Variants in NUP133 observed in about 807,000 individuals in gnomAD.
NUP133 encodes nucleoporin 133.
NUP133 carries 66 observed loss-of-function variants against 146.2 expected under a neutral mutation model. The ratio of observed to expected loss-of-function variants is 0.45; its 90% CI spans 0.37 to 0.55. The LOEUF (loss-of-function observed/expected upper bound fraction) is 0.55, where lower values mean the gene tolerates loss of function less well. NUP133 is among the 20% of genes least tolerant of loss of function. The probability of loss-of-function intolerance (pLI) is 0.00; values close to 1 mark genes in which losing one functional copy is unlikely to be tolerated. For missense variants in NUP133, 1,277 were observed against 1,374.8 expected (o/e 0.93, Z 1.12); for synonymous variants, 521 against 498.8 (o/e 1.04, Z -0.59).
chr1:229,449,444 G>A (rs1473184053), intron 23 of NUP133, among the ~76,000 whole-genome samples: 1 of 149,444 alleles, frequency 6.7e-6, no homozygotes, highest in African/African-American at 2.5e-5. Flanking sequence ...CTCAGCTCAT[G>A]GCAACCTCTG....
chr1:229,474,901 G>A (rs1477056814), intron 14 of NUP133, among the ~76,000 whole-genome samples: 16 of 151,992 alleles, frequency 1.1e-4, no homozygotes, highest in Admixed American at 3.9e-4. Flanking sequence ...CCAGGAGTTC[G>A]AGACCAGCCT....
chr1:229,449,249 C>G (rs1195059872), intron 23 of NUP133, 59 bp from the exon 24 acceptor site: 2 of 1,088,638 alleles, frequency 1.8e-6, no homozygotes, highest in Non-Finnish European at 2.7e-6. Context: ...AAATACATGC[C>G]TAAATTTTCA....
At chr1:229,456,371 G>A (rs577214535) in intron 21 of NUP133, among the ~76,000 whole-genome samples, 1 of 152,284 alleles carries the variant, frequency 6.6e-6, no homozygotes, top group African/African-American at 2.4e-5. Flanking sequence ...GCATTCTCCT[G>A]TAAAGAAGCA....
chr1:229,464,135 G>A (rs995137331), intron 18 of NUP133, among the ~76,000 whole-genome samples: 10 of 151,886 alleles, frequency 6.6e-5, no homozygotes, highest in South Asian at 2.1e-4. Flanking sequence ...AGAGAGTGAC[G>A]CTCTGTCTCA....
chr1:229,452,081 AG>A (rs1283287835), intron 22 of NUP133, among the ~76,000 whole-genome samples: 1 of 152,218 alleles, frequency 6.6e-6, no homozygotes, highest in Non-Finnish European at 1.5e-5. Context: ...TCTAGACTGC[AG>A]TCCGTATTCT....
chr1:229,488,475 C>T (rs186141048), intron 9 of NUP133, among the ~76,000 whole-genome samples: 6 of 152,100 alleles, frequency 3.9e-5, no homozygotes, highest in South Asian at 2.1e-4. Context: ...ATATTAAATG[C>T]GAGGTCCTAG....
chr1:229,502,277 A>G (rs1661820390), intron 2 of NUP133, among the ~76,000 whole-genome samples, 175 bp from the exon 3 acceptor site: 1 of 152,160 alleles, frequency 6.6e-6, no homozygotes, highest in Non-Finnish European at 1.5e-5. Flanking sequence ...TCTGATAACC[A>G]ACTTTAGAAA....
chr1:229,482,688 C>A (rs1267741441), intron 12 of NUP133, among the ~76,000 whole-genome samples: 1 of 152,106 alleles, frequency 6.6e-6, no homozygotes, highest in Admixed American at 6.6e-5. Flanking sequence ...TCACTCCCCA[C>A]CCCATACGCG....
At chr1:229,470,888 C>G (rs1660940812) in intron 14 of NUP133, 84 bp from the exon 15 acceptor site, 2 of 1,223,026 alleles carry the variant, frequency 1.6e-6, no homozygotes, top group South Asian at 2.7e-5. Flanking sequence ...CCAGAAGCAC[C>G]CTGGGCAGTC....
chr1:229,500,120 A>G (rs6670553), intron 4 of NUP133, among the ~76,000 whole-genome samples: 28,578 of 152,156 alleles, frequency 0.19, 2,897 homozygotes, highest in Middle Eastern at 0.27. Flanking sequence ...TTCTGGATAC[A>G]AGTCCTTTGC....
rs137900776 is a variant in NUP133 at position 229,452,501 on chromosome 1, G to A, written c.3099+24C>T. On this transcript the variant is annotated intron_variant, in intron 22 of 25. Coordinates refer to ENST00000261396, the MANE Select transcript of NUP133 (RefSeq NM_018230.3). ...AAAGGTTTTGAGTTTAAGAAATAGC[G>A]TTAAGGATTTGAAAAGCACATACAC... 203 of 1,565,932 alleles carry A rather than the reference G, an allele frequency of 1.3e-4. 2 individuals are homozygous for A. Among genetic ancestry groups the A allele is most frequent in the Admixed American group, 4.6e-4 (27 of 59,016 alleles).
Position 229,464,731 on chromosome 1 carries a change from C to T in NUP133, c.2444G>A (p.Gly815Asp). ...CACAGACTTAAGCTGAGAAACATAA[C>T]CATCCAGGAAGCAATCGATCAGGGC... is the stretch of plus-strand genomic sequence containing the variant. ...LVALIDCFLDGYVSQLKSVDK... is the reference protein window; with the variant it reads ...LVALIDCFLDDYVSQLKSVDK... Residue 815 changes from glycine to aspartate, a missense_variant, in exon 18 of 26, where the codon GGT (glycine) becomes GAT (aspartate). Transcript: ENST00000261396. 1 of 1,614,202 alleles carries T rather than the reference C, an allele frequency of 6.2e-7. No homozygotes were observed. The highest frequency in any genetic ancestry group is 1.3e-5 in the African/African-American group (1 of 75,050).
chr1:229,476,168 A>G (rs938482619), intron 13 of NUP133, among the ~76,000 whole-genome samples: 1 of 152,092 alleles, frequency 6.6e-6, no homozygotes, highest in African/African-American at 2.4e-5. Flanking sequence ...ACCTTACAAT[A>G]CAGTTGTTTA....
rs1303062222 is a variant in NUP133, at chr1:229,449,878, T to TA, written c.3180+646_3180+647insT. ...ATATATATATATATATATATATTTT[T>TA]TTTTTTTTTTTTTTTTTTTTTGAGA... is the stretch of plus-strand genomic sequence containing the variant. On this transcript the variant is annotated intron_variant, in intron 23 of 25. Coordinates refer to ENST00000261396, the MANE Select transcript of NUP133 (RefSeq NM_018230.3). Among the ~76,000 whole-genome samples the TA allele has an allele frequency of 2.9e-5, 3 of 104,284 alleles. No individual in the cohort carries two copies. The Admixed American group carries it at 3.1e-4, about 11-fold the overall frequency. 68.4% of individuals were successfully genotyped at this position (104,284 alleles called of 152,430 possible).
chr1:229,495,517 A>G lies in NUP133; in HGVS notation c.1024T>C (p.Tyr342His), dbSNP rs960044704. ...TACCAGTTTTGCTTCAAGTCCAAAT[A>G]TCGAATGTTGACTCCTTCTTTAATA... Reference protein sequence around the residue: ...EAIKEGVNIRYLDLKQNCDGL... With the variant: ...EAIKEGVNIRHLDLKQNCDGL... The change falls in exon 8 of 26, where the codon TAT becomes CAT. Residue 342 changes from tyrosine (Y) to histidine (H), a missense_variant. Transcript: ENST00000261396. 6.2e-6 allele frequency: 10 copies of G among 1,612,426 alleles called. No individual in the cohort carries two copies. The highest frequency in any genetic ancestry group is 6.8e-6 in the Non-Finnish European group (8 of 1,178,884).
Position 229,486,490 on chromosome 1 carries a change from G to C in NUP133, c.1381C>G (p.Pro461Ala). 6.2e-7 allele frequency: 1 copy of C among 1,610,036 alleles called. No homozygotes were observed. Among genetic ancestry groups the C allele is most frequent in the Non-Finnish European group, 8.5e-7 (1 of 1,178,846 alleles). ...VLGAGACGGVPIIFSRNSGLV... is the reference protein window; with the variant it reads ...VLGAGACGGVAIIFSRNSGLV... ...CCACTGTTTCTAGAAAAAATGATAG[G>C]AACACCACCACAGGCACCAGCACCT... Residue 461 changes from proline to alanine, a missense_variant, in exon 11 of 26, where the codon CCT (proline) becomes GCT (alanine). Physicochemically the swap from Pro to Ala is conservative, Grantham distance 27 (BLOSUM62 -1). This residue lies in a region of NUP133 where 952 missense variants were observed against 1,047.0 expected (regional missense o/e 0.91). Transcript: ENST00000261396.
chr1:229,498,844 T>G (rs1484116984), intron 5 of NUP133, among the ~76,000 whole-genome samples: 6 of 152,266 alleles, frequency 3.9e-5, no homozygotes, highest in Admixed American at 3.3e-4. Flanking sequence ...AAGTTCATCA[T>G]ATTTCAGATT....
intron 11 of NUP133, 35 bp from the exon 12 acceptor site, chr1:229,484,180 G>C (rs773181947): frequency 5.5e-6 from 8 of 1,461,458 alleles, no homozygotes; most frequent in South Asian, 1.2e-5. Context: ...AGAGGTAAAG[G>C]CATCTGAATA....
At chr1:229,505,908 A>G in intron 2 of NUP133, 132 bp downstream of exon 2, 1 of 571,468 alleles carries the variant, frequency 1.7e-6, no homozygotes, top group African/African-American at 1.9e-5. Context: ...AAATAAAAAA[A>G]CACTAGACAG....
Sources: allele counts gnomAD v4.1 joint callset (sites outside exome capture counted in the v4.1 genomes callset), GRCh38; gene constraint gnomAD v4.1.1; regional missense constraint gnomAD v4.1.1; transcripts MANE v1.5; gene names NCBI Gene and HGNC (gene_info 2026-07-23, HGNC 2026-07-21).